Variants in PDE1C observed in about 807,000 individuals in gnomAD.
The protein encoded by PDE1C is phosphodiesterase 1C.
In PDE1C, 62 loss-of-function variants were observed where a neutral mutation model predicts 93.1. The ratio of observed to expected loss-of-function variants is 0.67; its 90% confidence interval spans 0.54 to 0.82. The LOEUF is 0.82. PDE1C is among the 40% of genes least tolerant of loss of function. PDE1C has a pLI of 0.00. For synonymous variants in PDE1C, 325 were observed against 310.1 expected (o/e 1.05, Z -0.50); for missense variants, 742 against 884.6 (o/e 0.84, Z 2.04).
intron 1 of PDE1C, among the ~76,000 whole-genome samples, chr7:32,427,743 G>A (rs1218472662): frequency 6.6e-6 from 1 of 152,228 alleles, no homozygotes; most frequent in African/African-American, 2.4e-5. Flanking sequence ...TCCTGCGGGA[G>A]ATAGCGCTTT....
intron 2 of PDE1C, among the ~76,000 whole-genome samples, chr7:31,946,689 C>G (rs1324583410): frequency 6.6e-6 from 1 of 152,216 alleles, no homozygotes; most frequent in Non-Finnish European, 1.5e-5. Context: ...CATGGGCTCC[C>G]AGAGCTCGGA....
intron 1 of PDE1C, among the ~76,000 whole-genome samples, chr7:32,405,253 CTT>C (rs59015406): frequency 0.83 from 115,696 of 138,816 alleles, 50,428 homozygotes; most frequent in East Asian, 0.98. Context: ...TTTCTTTTTT[CTT>C]TTTTTTTTTT....
At chr7:32,101,613 C>G (rs906720964) in intron 3 of PDE1C, among the ~76,000 whole-genome samples, 3 of 152,130 alleles carry the variant, frequency 2.0e-5, no homozygotes, top group Admixed American at 2.0e-4. Context: ...TGCTAGCTCC[C>G]CCTTTGCCTT....
exon 1 of PDE1C, chr7:32,299,081 A>G: frequency 9.2e-7 from 1 of 1,085,184 alleles, no homozygotes; most frequent in Non-Finnish European, 1.1e-6. Context: ...CTGCCTGGCC[A>G]CGCTACTCTC....
chr7:31,623,367 C>A, the PDE1C span, among the ~76,000 whole-genome samples: 1 of 151,874 alleles, frequency 6.6e-6, no homozygotes, highest in African/African-American at 2.4e-5. Context: ...AAAACACTGG[C>A]AAACCGAATC....
At chr7:32,183,508 C>G in intron 2 of PDE1C, among the ~76,000 whole-genome samples, 1 of 152,174 alleles carries the variant, frequency 6.6e-6, no homozygotes, top group Non-Finnish European at 1.5e-5. Context: ...ATATCTACAA[C>G]CATCTGATCT....
chr7:31,829,484 C>A (rs1157847413), intron 11 of PDE1C, among the ~76,000 whole-genome samples: 1 of 152,118 alleles, frequency 6.6e-6, no homozygotes, highest in Non-Finnish European at 1.5e-5. Context: ...AGGGTAGTAA[C>A]AACCTGCAAC....
intron 2 of PDE1C, among the ~76,000 whole-genome samples, chr7:32,173,055 C>A (rs1386857798): frequency 6.6e-6 from 1 of 152,070 alleles, no homozygotes; most frequent in Non-Finnish European, 1.5e-5. Context: ...TAGACACATG[C>A]ACACATATGT....
intron 3 of PDE1C, among the ~76,000 whole-genome samples, chr7:32,111,074 G>A (rs941755024): frequency 1.3e-5 from 2 of 152,204 alleles, no homozygotes; most frequent in African/African-American, 4.8e-5. Flanking sequence ...TTCTGAGAGT[G>A]AGGAGCTATT....
chr7:31,751,469 G>C lies in PDE1C; in HGVS notation c.*1915C>G, dbSNP rs953916224. On this transcript the variant is annotated 3_prime_UTR_variant, in exon 18 of 18. Transcript: ENST00000396191. ...TGGAAGGTATTGACAGATAGGTAGG[G>C]AACATTATTTGAGGAGGCTACTACT... 6.6e-6 allele frequency: 1 copy of C among 152,114 alleles called. No individual in the cohort carries two copies. The highest frequency in any genetic ancestry group is 1.5e-5 in the Non-Finnish European group (1 of 68,004). 9.4% of individuals were successfully genotyped at this position (152,114 alleles called of 1,614,324 possible).
In PDE1C at chr7:31,881,386, C is replaced by G. The variant is rs536468767; in HGVS notation, c.129-526G>C. 5.3e-5 allele frequency among the ~76,000 whole-genome samples: 8 copies of G among 152,078 alleles called. No individual in the cohort carries two copies. In the South Asian group the frequency reaches 1.7e-3, roughly 32 times the overall value. On this transcript the variant is annotated intron_variant, in intron 2 of 17. Coordinates refer to ENST00000396191, the MANE Select transcript of PDE1C (RefSeq NM_001191057.4). ...AATTGTTTTACTGGACAGAAAAAATCACTCTGAGAGGAGATAAATACCCTA... is the reference window on the plus strand; with the variant it reads ...AATTGTTTTACTGGACAGAAAAAATGACTCTGAGAGGAGATAAATACCCTA...
intron 3 of PDE1C, among the ~76,000 whole-genome samples, chr7:32,102,949 T>C (rs17160895): frequency 0.02 from 3,095 of 152,280 alleles, 155 homozygotes; most frequent in East Asian, 0.2. Flanking sequence ...TAGGAGTGCA[T>C]GACAACCCAC....
chr7:31,884,980 C>G (rs529612687), intron 2 of PDE1C, among the ~76,000 whole-genome samples: 25 of 152,284 alleles, frequency 1.6e-4, no homozygotes, highest in African/African-American at 6.0e-4. Flanking sequence ...GGCTCAACTG[C>G]TCTTCTTTGT....
intron 6 of PDE1C, among the ~76,000 whole-genome samples, chr7:31,870,401 T>C (rs1480439363): frequency 6.6e-6 from 1 of 151,388 alleles, no homozygotes; most frequent in Non-Finnish European, 1.5e-5. Context: ...ATAAACAACA[T>C]CAGAAGTGAA....
At chr7:31,702,905 A>T in the PDE1C span, among the ~76,000 whole-genome samples, 1 of 152,208 alleles carries the variant, frequency 6.6e-6, no homozygotes, top group Admixed American at 6.5e-5. Flanking sequence ...CTAGGAGAAG[A>T]CTTGGTAGAA....
intron 1 of PDE1C, among the ~76,000 whole-genome samples, chr7:32,269,020 TA>T (rs946846453): frequency 2.6e-5 from 4 of 152,222 alleles, no homozygotes; most frequent in Admixed American, 6.5e-5. Context: ...CAGTGAGCTA[TA>T]AAACTCAAGT....
At chr7:32,241,146 A>G (rs1246138478) in intron 1 of PDE1C, among the ~76,000 whole-genome samples, 1 of 152,214 alleles carries the variant, frequency 6.6e-6, no homozygotes, top group Non-Finnish European at 1.5e-5. Flanking sequence ...TGGTGGCATC[A>G]AATAGTCAAT....
chr7:32,077,442 A>G (rs1796416431), intron 3 of PDE1C, among the ~76,000 whole-genome samples: 1 of 152,216 alleles, frequency 6.6e-6, no homozygotes, highest in African/African-American at 2.4e-5. Flanking sequence ...ATAAATAGAT[A>G]TACCGATAAT....
upstream of PDE1C, among the ~76,000 whole-genome samples, chr7:32,076,129 T>C (rs1257617267): frequency 6.6e-6 from 1 of 152,242 alleles, no homozygotes; most frequent in East Asian, 1.9e-4. Flanking sequence ...ATAACCTAGA[T>C]TGTCCAACCA....
Sources: allele counts gnomAD v4.1 joint callset (sites outside exome capture counted in the v4.1 genomes callset), GRCh38; gene constraint gnomAD v4.1.1; transcripts MANE v1.5; gene names NCBI Gene and HGNC (gene_info 2026-07-23, HGNC 2026-07-21).